Variants in CASQ1 observed in about 807,000 individuals in gnomAD.
The protein encoded by CASQ1 is calsequestrin 1.
Under a neutral mutation model 49.5 loss-of-function variants are expected in CASQ1, and 40 were observed. The ratio of observed to expected loss-of-function variants is 0.81; its 90% CI spans 0.63 to 1.05. The LOEUF (loss-of-function observed/expected upper bound fraction) is 1.05. Ranked by LOEUF, CASQ1 falls within the 50% of genes least tolerant of loss-of-function variation. CASQ1 has a pLI of 0.00. For missense variants in CASQ1, 469 were observed against 486.9 expected, an observed-to-expected ratio of 0.96 and a Z score of 0.35; for synonymous variants, 174 against 187.2, an observed-to-expected ratio of 0.93 and a Z score of 0.58.
intron 2 of CASQ1, among the ~76,000 whole-genome samples, 183 bp from the exon 3 acceptor site, chr1:160,193,564 A>G (rs778757445): frequency 1.4e-4 from 22 of 152,096 alleles, no homozygotes; most frequent in African/African-American, 2.2e-4. Context: ...CCAGGGGCAG[A>G]GACCTCAGGC....
rs1654221433 is a variant in CASQ1 at position 160,196,149 on chromosome 1, C to T, written c.782+122C>T. 6 of 880,446 alleles carry T rather than the reference C, an allele frequency of 6.8e-6. No homozygotes were observed. The South Asian group carries it at 7.0e-5, about 10-fold the overall frequency. 54.5% of individuals were successfully genotyped at this position (880,446 alleles called of 1,614,324 possible). ...AGCCAATCTTGCCTGGAGATGAATA[C>T]ACTTTGGGCACCAGTGCTCTCTGAT... On this transcript the variant is annotated intron_variant, in intron 6 of 10. Transcript: ENST00000368078.
rs775149115 is a variant in CASQ1 at position 160,201,272 on chromosome 1, G to A, written c.1087G>A (p.Asp363Asn). 91 of 1,613,370 alleles carry A rather than the reference G, an allele frequency of 5.6e-5. No individual in the cohort carries two copies. The highest frequency in any genetic ancestry group is 6.7e-5 in the Admixed American group (4 of 59,898). The change falls in exon 11 of 11, where the codon GAT (aspartate) becomes AAT (asparagine). Residue 363 changes from aspartate to asparagine, a missense_variant. Asp to Asn is a conservative substitution (Grantham distance 23). Coordinates refer to ENST00000368078, the MANE Select transcript of CASQ1 (RefSeq NM_001231.5). The stretch of plus-strand genomic sequence containing the variant: ...GGATAGCGTATGGATGGAAATGGAC[G>A]ATGAGGAGGACCTGCCTTCTGCTGA... ...DADSVWMEMD[D>N]EEDLPSAEEL... is the part of the protein sequence containing the mutation.
chr1:160,198,988 GC>G lies in CASQ1; in HGVS notation c.922del (p.Gln308LysfsTer39), dbSNP rs767673803. On this transcript the variant is annotated frameshift_variant, in exon 9 of 11. Coordinates refer to ENST00000368078, the MANE Select transcript of CASQ1 (RefSeq NM_001231.5). LOFTEE classifies it high-confidence loss of function. ...FEFLETLKAV[A>X]QDNTENPDLS... The stretch of plus-strand genomic sequence containing the variant: ...GTTCTTAGAGACTCTCAAGGCTGTG[GC>G]CCAAGATAACACTGAAAACCCAGAT... The G allele has an allele frequency of 3.1e-6, 5 of 1,613,368 alleles. No individual in the cohort carries two copies. The East Asian group carries it at 8.9e-5, about 29-fold the overall frequency.
At position 160,193,805 on chromosome 1, in the gene CASQ1, T is replaced by G. The variant is rs1441759944; in HGVS notation, c.423T>G (p.Asp141Glu). The change falls in exon 3 of 11, where the codon GAT becomes GAG. Residue 141 changes from aspartate to glutamate, a missense_variant. Physicochemically the swap from Asp to Glu is conservative, Grantham distance 45. Transcript: ENST00000368078. Reference sequence around the variant, plus strand: ...AGGGAGATGAAGTCATTGAGTACGATGGCGAGTTTTCTGCTGACACCATCG... The same window carrying G: ...AGGGAGATGAAGTCATTGAGTACGAGGGCGAGTTTTCTGCTGACACCATCG... ...VFKGDEVIEY[D>E]GEFSADTIVE... 1 of 1,613,018 alleles carries G rather than the reference T, an allele frequency of 6.2e-7. No individual in the cohort carries two copies. The highest frequency in any genetic ancestry group is 8.5e-7 in the Non-Finnish European group (1 of 1,179,378).
intron 5 of CASQ1, 27 bp downstream of exon 5, chr1:160,195,561 T>C (rs768106358): frequency 1.2e-6 from 2 of 1,603,700 alleles, no homozygotes; most frequent in East Asian, 4.5e-5. Context: ...CTGTATTGGT[T>C]CTGCCTCATG....
intron 10 of CASQ1, among the ~76,000 whole-genome samples, chr1:160,200,355 G>C (rs934962497): frequency 6.6e-6 from 1 of 152,152 alleles, no homozygotes; most frequent in Non-Finnish European, 1.5e-5. Flanking sequence ...AACTGAATGA[G>C]CCACAGTCTC....
intron 6 of CASQ1, among the ~76,000 whole-genome samples, chr1:160,196,580 C>T (rs954772776): frequency 1.3e-5 from 2 of 152,034 alleles, no homozygotes; most frequent in South Asian, 4.2e-4. Context: ...CAGGTTCAAG[C>T]GATTCTCCTT....
intron 6 of CASQ1, 143 bp from the exon 7 acceptor site, chr1:160,197,426 G>T: frequency 9.1e-6 from 6 of 657,426 alleles, no homozygotes; most frequent in East Asian, 2.7e-5. Context: ...GCCCAGAGTT[G>T]AGGCCTTGCC....
chr1:160,195,880 T>A lies in CASQ1; in HGVS notation c.652-17T>A, dbSNP rs376606520. On this transcript the variant is annotated splice_polypyrimidine_tract_variant and intron_variant, in intron 5 of 10. Coordinates refer to ENST00000368078, the MANE Select transcript of CASQ1 (RefSeq NM_001231.5). Reference sequence around the variant, plus strand: ...TGTGTCTCCTGCTCCACTCCCCTCCTACCCCCTCTCCCAAAGGTGGCAAAG... The same window carrying A: ...TGTGTCTCCTGCTCCACTCCCCTCCAACCCCCTCTCCCAAAGGTGGCAAAG... 6.3e-5 allele frequency: 101 copies of A among 1,612,102 alleles called. No homozygotes were observed. The African/African-American group carries it at 1.3e-3, about 20-fold the overall frequency.
At chr1:160,195,408 T>C (rs886928626) in intron 4 of CASQ1, 53 bp from the exon 5 acceptor site, 6 of 1,531,548 alleles carry the variant, frequency 3.9e-6, no homozygotes, top group African/African-American at 1.4e-5. Flanking sequence ...GGGGGATGAT[T>C]CCCGGGCAGA....
At chr1:160,196,083 C>G (rs535608139) in intron 6 of CASQ1, 56 bp downstream of exon 6, 1 of 1,574,574 alleles carries the variant, frequency 6.4e-7, no homozygotes, top group South Asian at 1.1e-5. Context: ...GGCTAGAACA[C>G]ACTGTGTGAG....
chr1:160,191,147 G>A, intron 1 of CASQ1, 117 bp downstream of exon 1: 1 of 1,120,818 alleles, frequency 8.9e-7, no homozygotes, highest in Non-Finnish European at 1.3e-6. Flanking sequence ...CAGTGTGGTA[G>A]GAACCCTGTC....
Position 160,190,974 on chromosome 1 carries a change from C to A in CASQ1, c.223C>A (p.Pro75Thr). The change falls in exon 1 of 11, where the codon CCC (proline) becomes ACC (threonine). Residue 75 changes from proline to threonine, a missense_variant. Transcript: ENST00000368078. ...EVLALLYHEP[P>T]EDDKASQRQF... is the part of the protein sequence containing the mutation. The stretch of plus-strand genomic sequence containing the variant: ...GCTGGCACTCCTCTACCATGAACCC[C>A]CCGAGGATGACAAGGCCTCACAAAG... 1 of 1,614,124 alleles carries A rather than the reference C, an allele frequency of 6.2e-7. No individual in the cohort carries two copies. Among genetic ancestry groups the A allele is most frequent in the Non-Finnish European group, 8.5e-7 (1 of 1,180,012 alleles).
At position 160,196,004 on chromosome 1, in the gene CASQ1, C is replaced by A; in HGVS notation, c.759C>A (p.Val253=). The change falls in exon 6 of 11, where the codon GTC becomes GTA. Residue 253 remains valine, a synonymous_variant. Coordinates refer to ENST00000368078, the MANE Select transcript of CASQ1 (RefSeq NM_001231.5). Reference sequence around the variant, plus strand: ...AGCCCAATAGCGAAGAGGAGATTGTCAACTTCGTGGAGGAGCACAGGAGGT... The same window carrying A: ...AGCCCAATAGCGAAGAGGAGATTGTAAACTTCGTGGAGGAGCACAGGAGGT... The part of the protein sequence containing the change: ...PDKPNSEEEI[V]NFVEEHRRST... The A allele has an allele frequency of 1.2e-6, 2 of 1,614,018 alleles. No homozygotes were observed. The highest frequency in any genetic ancestry group is 2.2e-5 in the South Asian group (2 of 91,042).
chr1:160,200,044 T>C (rs1654333033), intron 10 of CASQ1, 119 bp downstream of exon 10: 4 of 724,372 alleles, frequency 5.5e-6, no homozygotes, highest in Middle Eastern at 3.3e-4. Flanking sequence ...ACATGCCCAG[T>C]CTAGTGGCTG....
rs1309052664 is a variant in CASQ1, at chr1:160,195,985, A to G, written c.740A>G (p.Asn247Ser). 9 of 1,614,074 alleles carry G rather than the reference A, an allele frequency of 5.6e-6. No homozygotes were observed. The highest frequency in any genetic ancestry group is 1.3e-5 in the African/African-American group (1 of 75,028). The change falls in exon 6 of 11, where the codon AAT becomes AGT. Residue 247 changes from asparagine to serine, a missense_variant. Transcript: ENST00000368078. ...CCTGTGACCATCCCAGACAAGCCCA[A>G]TAGCGAAGAGGAGATTGTCAACTTC... The part of the protein sequence containing the change: ...EEPVTIPDKP[N>S]SEEEIVNFVE...
In CASQ1 at chr1:160,195,935, T is replaced by C; in HGVS notation, c.690T>C (p.Asp230=). 1 of 1,613,996 alleles carries C rather than the reference T, an allele frequency of 6.2e-7. No individual in the cohort carries two copies. The highest frequency in any genetic ancestry group is 8.5e-7 in the Non-Finnish European group (1 of 1,179,958). ...KKLTLKLNEI[D]FYEAFMEEPV... ...TGACCCTGAAGCTGAATGAGATTGA[T>C]TTCTACGAGGCCTTCATGGAAGAGC... is the stretch of plus-strand genomic sequence containing the variant. Residue 230 remains aspartate, a synonymous_variant, in exon 6 of 11, where the codon GAT becomes GAC. Coordinates refer to ENST00000368078, the MANE Select transcript of CASQ1 (RefSeq NM_001231.5).
chr1:160,195,825 C>A, intron 5 of CASQ1, 72 bp from the exon 6 acceptor site: 2 of 1,475,932 alleles, frequency 1.4e-6, no homozygotes, highest in Non-Finnish European at 1.9e-6. Context: ...AATATTTGTT[C>A]CCCCATTATA....
intron 3 of CASQ1, 101 bp downstream of exon 3, chr1:160,193,948 ACACACACATACACCACACG>A: frequency 1.4e-6 from 1 of 714,144 alleles, no homozygotes; most frequent in Non-Finnish European, 2.5e-6. Flanking sequence ...CACACCACAC[ACACACACATACACCACACG>A]CACACACACC....
Sources: gnomAD v4.1 joint callset for allele counts (sites outside exome capture counted in the v4.1 genomes callset) on GRCh38, gnomAD v4.1.1 for gene constraint, MANE v1.5 for transcripts, NCBI Gene and HGNC (gene_info 2026-07-23, HGNC 2026-07-21) for gene names.